PLCE1: variants seen among roughly 807,000 people sequenced by gnomAD.
The protein encoded by PLCE1 is 1-phosphatidylinositol 4,5-bisphosphate phosphodiesterase epsilon-1.
A neutral mutation model predicts 242.8 loss-of-function variants in PLCE1; 119 were observed. The ratio of observed to expected loss-of-function variants is 0.49; its 90% CI spans 0.42 to 0.57. The LOEUF is 0.57. PLCE1 is among the 20% of genes least tolerant of loss of function. PLCE1 has a pLI of 0.00. For missense variants in PLCE1, 2,441 were observed against 2,788.8 expected (o/e 0.88, Z 2.81); for synonymous variants, 945 against 1,017.4 (o/e 0.93, Z 1.35).
At chr10:94,314,315 T>C (rs2053494276) in intron 28 of PLCE1, among the ~76,000 whole-genome samples, 1 of 152,222 alleles carries the variant, frequency 6.6e-6, no homozygotes, top group Non-Finnish European at 1.5e-5. Context: ...TCCTTCTCCA[T>C]GCAGCCAGGC....
chr10:94,157,004 G>GT (rs1457112651), intron 3 of PLCE1, among the ~76,000 whole-genome samples: 4 of 151,942 alleles, frequency 2.6e-5, no homozygotes, highest in African/African-American at 4.8e-5. Flanking sequence ...TTTTTTTGGT[G>GT]TTTTTTGGGG....
chr10:94,260,591 T>C (rs932560705), intron 13 of PLCE1, among the ~76,000 whole-genome samples: 1 of 151,948 alleles, frequency 6.6e-6, no homozygotes, highest in African/African-American at 2.4e-5. Flanking sequence ...TCAAAAATTA[T>C]TGGACTTTAT....
At chr10:94,236,247 C>T (rs966176679) in intron 7 of PLCE1, 127 bp downstream of exon 7, 1 of 738,234 alleles carries the variant, frequency 1.4e-6, no homozygotes, top group Non-Finnish European at 2.4e-6. Flanking sequence ...ATCATTAAGC[C>T]ACACTTCTTT....
chr10:94,191,775 T>C (rs1000419320), intron 4 of PLCE1, among the ~76,000 whole-genome samples: 1 of 152,182 alleles, frequency 6.6e-6, no homozygotes, highest in African/African-American at 2.4e-5. Context: ...ATTTGTTGTG[T>C]CTTTAGTAGG....
chr10:94,246,700 C>T, intron 8 of PLCE1, 79 bp downstream of exon 8: 1 of 1,325,278 alleles, frequency 7.5e-7, no homozygotes, highest in South Asian at 1.2e-5. Flanking sequence ...CCACCAGGTT[C>T]ATGCTCCCAG....
At chr10:94,230,469 C>T (rs1044434764) in intron 5 of PLCE1, among the ~76,000 whole-genome samples, 4 of 151,920 alleles carry the variant, frequency 2.6e-5, no homozygotes, top group African/African-American at 7.3e-5. Flanking sequence ...GGATTACAGG[C>T]ACGCCACCAT....
At chr10:94,189,706 C>G (rs573170071) in intron 4 of PLCE1, among the ~76,000 whole-genome samples, 8 of 152,220 alleles carry the variant, frequency 5.3e-5, no homozygotes, top group African/African-American at 1.9e-4. Context: ...GAAAGAGTCC[C>G]AGTAATTCAG....
intron 4 of PLCE1, among the ~76,000 whole-genome samples, chr10:94,202,344 T>C (rs368952763): frequency 6.6e-6 from 1 of 151,322 alleles, no homozygotes; most frequent in Non-Finnish European, 1.5e-5. Flanking sequence ...CTTTAAAGGA[T>C]ATGTAGCAGT....
chr10:94,263,351 T>C (rs1462332197), intron 14 of PLCE1, among the ~76,000 whole-genome samples: 1 of 151,042 alleles, frequency 6.6e-6, no homozygotes, highest in Non-Finnish European at 1.5e-5. Context: ...GCATCTCCAC[T>C]AAAAATACAA....
chr10:94,025,490 T>C (rs1353240993), intron 1 of PLCE1, among the ~76,000 whole-genome samples: 4 of 152,180 alleles, frequency 2.6e-5, no homozygotes, highest in Non-Finnish European at 4.4e-5. Context: ...ATTGTTTTTA[T>C]AATTACCCTT....
chr10:94,089,046 T>C (rs1564676226), intron 2 of PLCE1: 1 of 1,599,410 alleles, frequency 6.3e-7, no homozygotes, highest in Non-Finnish European at 8.5e-7. Context: ...TTGCAGGATT[T>C]TTCACTGTGA....
chr10:94,087,914 C>T (rs2044896846), intron 2 of PLCE1, among the ~76,000 whole-genome samples: 1 of 152,184 alleles, frequency 6.6e-6, no homozygotes, highest in South Asian at 2.1e-4. Flanking sequence ...GCCAGGAGCT[C>T]GGATACTGGC....
chr10:94,006,829 G>T (rs575105464), intron 1 of PLCE1, among the ~76,000 whole-genome samples: 2 of 152,288 alleles, frequency 1.3e-5, no homozygotes, highest in South Asian at 4.1e-4. Flanking sequence ...AAATGACTGT[G>T]GCAGGCTGGA....
At chr10:94,084,444 A>C (rs1195726001) in intron 2 of PLCE1, among the ~76,000 whole-genome samples, 1 of 152,072 alleles carries the variant, frequency 6.6e-6, no homozygotes, top group Non-Finnish European at 1.5e-5. Flanking sequence ...TCAGGCCCCC[A>C]TCCCCGGCCA....
At chr10:94,142,840 G>A (rs1468070458) in intron 3 of PLCE1, among the ~76,000 whole-genome samples, 2 of 152,224 alleles carry the variant, frequency 1.3e-5, no homozygotes, top group Non-Finnish European at 2.9e-5. Flanking sequence ...GGCCACACCT[G>A]TGTAACTCCT....
intron 21 of PLCE1, 130 bp from the exon 22 acceptor site, chr10:94,284,718 T>C: frequency 1.5e-6 from 1 of 686,272 alleles, no homozygotes; most frequent in South Asian, 1.7e-5. Flanking sequence ...GGGACATGTA[T>C]ATGGATAATT....
At chr10:94,083,056 C>G (rs1266329290) in intron 2 of PLCE1, among the ~76,000 whole-genome samples, 3 of 152,082 alleles carry the variant, frequency 2.0e-5, no homozygotes, top group Non-Finnish European at 4.4e-5. Flanking sequence ...ATGATTATTT[C>G]TTTTTGCAAC....
intron 2 of PLCE1, among the ~76,000 whole-genome samples, chr10:94,041,751 G>A (rs1274789009): frequency 6.6e-6 from 1 of 152,138 alleles, no homozygotes; most frequent in African/African-American, 2.4e-5. Context: ...GAGGGATAGG[G>A]ACAGCATGCT....
intron 4 of PLCE1, among the ~76,000 whole-genome samples, chr10:94,200,151 C>G (rs1322595713): frequency 6.6e-6 from 1 of 152,214 alleles, no homozygotes; most frequent in African/African-American, 2.4e-5. Context: ...TTCCCTTGCT[C>G]TGTCATCTGA....
Sources: gnomAD v4.1 joint callset for allele counts (sites outside exome capture counted in the v4.1 genomes callset) on GRCh38, gnomAD v4.1.1 for gene constraint, MANE v1.5 for transcripts, NCBI Gene and HGNC (gene_info 2026-07-23, HGNC 2026-07-21) for gene names.